ANO3: variants seen among roughly 807,000 people sequenced by gnomAD.
ANO3 encodes the protein anoctamin 3, also known as anoctamin-3.
A neutral mutation model predicts 144.8 loss-of-function variants in ANO3; 99 were observed. The observed-to-expected ratio is 0.68, with a 90% confidence interval of 0.58 to 0.81. ANO3 has a LOEUF of 0.81. Among genes scored for constraint, ANO3 ranks in the 30% least tolerant of loss-of-function variants. The pLI is 0.00. For missense variants in ANO3, 905 were observed against 1,202.2 expected (o/e 0.75, Z 3.66); for synonymous variants, 414 against 392.6 (o/e 1.05, Z -0.64).
At chr11:26,403,132 TA>T (rs1237485177) in intron 1 of ANO3, among the ~76,000 whole-genome samples, 1 of 152,032 alleles carries the variant, frequency 6.6e-6, no homozygotes, top group African/African-American at 2.4e-5. Context: ...TTTATCCTGT[TA>T]CTTGTTTCCC....
At chr11:26,430,331 T>C (rs1858048778) in intron 1 of ANO3, among the ~76,000 whole-genome samples, 1 of 152,062 alleles carries the variant, frequency 6.6e-6, no homozygotes, top group Non-Finnish European at 1.5e-5. Flanking sequence ...TGTGTTTGTG[T>C]GTATACATAT....
intron 1 of ANO3, among the ~76,000 whole-genome samples, chr11:26,225,124 T>G (rs1590203033): frequency 3.3e-5 from 5 of 152,168 alleles, no homozygotes; most frequent in Admixed American, 3.3e-4. Flanking sequence ...TTGTAGGCAC[T>G]GAACTAAAAT....
chr11:26,648,578 A>C (rs1406430830), intron 24 of ANO3, among the ~76,000 whole-genome samples: 1 of 148,364 alleles, frequency 6.7e-6, no homozygotes, highest in Non-Finnish European at 1.5e-5. Flanking sequence ...ATCTCTGGGC[A>C]TTGCCAGATG....
intron 1 of ANO3, among the ~76,000 whole-genome samples, chr11:26,313,424 C>T (rs189553371): frequency 6.6e-5 from 10 of 152,222 alleles, no homozygotes; most frequent in East Asian, 1.9e-4. Context: ...TGGTGGCTCA[C>T]GCCTCTAATC....
upstream of ANO3, among the ~76,000 whole-genome samples, chr11:26,308,622 A>T (rs781322596): frequency 2.6e-5 from 4 of 152,224 alleles, no homozygotes; most frequent in Non-Finnish European, 5.9e-5. Context: ...TAGGCAACTT[A>T]TATTAAAATG....
Position 26,563,236 on chromosome 11 carries a change from C to G in ANO3, c.1447+3457C>G, listed in dbSNP as rs779786873. 1 of 1,607,432 alleles carries G rather than the reference C, an allele frequency of 6.2e-7. No homozygotes were observed. Among genetic ancestry groups the G allele is most frequent in the African/African-American group, 1.3e-5 (1 of 74,498 alleles). Reference sequence around the variant, plus strand: ...ACACCCAGAATAGCACCTAAAATGGCCCCGAATACTATTCCTGTATTTCTA... The same window carrying G: ...ACACCCAGAATAGCACCTAAAATGGGCCCGAATACTATTCCTGTATTTCTA... On this transcript the variant is annotated intron_variant, in intron 14 of 26. Coordinates refer to ENST00000256737, the MANE Select transcript of ANO3 (RefSeq NM_031418.4).
chr11:26,546,001 T>G (rs7930361), intron 11 of ANO3, among the ~76,000 whole-genome samples: 66 of 152,024 alleles, frequency 4.3e-4, no homozygotes, highest in Admixed American at 1.5e-3. Flanking sequence ...CAATGTGTAA[T>G]TTAAAATATC....
intron 4 of ANO3, among the ~76,000 whole-genome samples, chr11:26,497,025 G>GACACAC (rs10597733): frequency 6.3e-5 from 9 of 142,980 alleles, no homozygotes; most frequent in African/African-American, 2.1e-4. Flanking sequence ...CATATATACA[G>GACACAC]ACACACACAC....
intron 1 of ANO3, among the ~76,000 whole-genome samples, chr11:26,355,538 A>G (rs539594649): frequency 2.0e-5 from 3 of 148,026 alleles, no homozygotes; most frequent in Non-Finnish European, 4.5e-5. Flanking sequence ...TTAATTTGGT[A>G]TCCTGAAATT....
At chr11:26,223,336 T>C (rs968800073) in intron 1 of ANO3, among the ~76,000 whole-genome samples, 1 of 152,124 alleles carries the variant, frequency 6.6e-6, no homozygotes, top group African/African-American at 2.4e-5. Flanking sequence ...AGTTCCCAAA[T>C]AAATTACTCA....
At chr11:26,273,997 G>A (rs1362776735) in intron 1 of ANO3, among the ~76,000 whole-genome samples, 2 of 152,212 alleles carry the variant, frequency 1.3e-5, no homozygotes, top group East Asian at 3.9e-4. Context: ...TAGCCATCAT[G>A]AGAACAGACT....
intron 1 of ANO3, among the ~76,000 whole-genome samples, chr11:26,274,900 G>A (rs1211585029): frequency 1.3e-5 from 2 of 151,858 alleles, no homozygotes; most frequent in Admixed American, 1.3e-4. Flanking sequence ...AGCATGGTTA[G>A]GAAGGAGAAA....
At chr11:26,516,123 A>C (rs1861853430) in intron 5 of ANO3, among the ~76,000 whole-genome samples, 1 of 151,794 alleles carries the variant, frequency 6.6e-6, no homozygotes. Flanking sequence ...AAAATATGCA[A>C]ATAATCCTGC....
At chr11:26,242,252 T>C (rs1442101857) in intron 1 of ANO3, among the ~76,000 whole-genome samples, 2 of 152,212 alleles carry the variant, frequency 1.3e-5, no homozygotes, top group Non-Finnish European at 1.5e-5. Context: ...TTCTACTATG[T>C]AATTTACATA....
At chr11:26,295,476 G>A (rs1854066601) in intron 1 of ANO3, among the ~76,000 whole-genome samples, 1 of 130,392 alleles carries the variant, frequency 7.7e-6, no homozygotes, top group Admixed American at 9.0e-5. Flanking sequence ...AGTGAGCTGA[G>A]ATAGCGCCCA....
intron 4 of ANO3, among the ~76,000 whole-genome samples, chr11:26,504,695 C>A (rs977056520): frequency 2.0e-5 from 3 of 151,778 alleles, no homozygotes; most frequent in African/African-American, 4.8e-5. Flanking sequence ...TGGGATAACT[C>A]GGCTGTCATG....
intron 5 of ANO3, 116 bp from the exon 6 acceptor site, chr11:26,516,711 T>G (rs1861878643): frequency 3.6e-6 from 2 of 554,952 alleles, no homozygotes; most frequent in Non-Finnish European, 6.3e-6. Flanking sequence ...TTTAAATCAG[T>G]GTCAGTGATC....
chr11:26,518,827 T>C (rs1166283630), intron 6 of ANO3, among the ~76,000 whole-genome samples: 1 of 152,046 alleles, frequency 6.6e-6, no homozygotes, highest in Non-Finnish European at 1.5e-5. Flanking sequence ...ATGTAAAATA[T>C]ATAGCAATGC....
At chr11:26,201,506 A>G (rs1843703318) in intron 1 of ANO3, among the ~76,000 whole-genome samples, 1 of 152,046 alleles carries the variant, frequency 6.6e-6, no homozygotes, top group Admixed American at 6.6e-5. Context: ...AAGAGCTACC[A>G]TTTACTCAAA....
Sources: allele counts gnomAD v4.1 joint callset (sites outside exome capture counted in the v4.1 genomes callset), GRCh38; gene constraint gnomAD v4.1.1; transcripts MANE v1.5; gene names NCBI Gene and HGNC (gene_info 2026-07-23, HGNC 2026-07-21).